Variants in LRRIQ1 observed in about 807,000 individuals in gnomAD.
LRRIQ1 encodes leucine rich repeats and IQ motif containing 1.
A neutral mutation model predicts 211.9 loss-of-function variants in LRRIQ1; 210 were observed. The ratio of observed to expected loss-of-function variants is 0.99; its 90% CI spans 0.89 to 1.11. The LOEUF (loss-of-function observed/expected upper bound fraction) is 1.11, where lower values mean the gene tolerates loss of function less well. Among genes scored for constraint, LRRIQ1 ranks in the 50% most tolerant of loss-of-function variants. The pLI is 0.00. For synonymous variants in LRRIQ1, 699 were observed against 650.1 expected (o/e 1.08, Z -1.14); for missense variants, 2,136 against 1,939.5 (o/e 1.10, Z -1.90).
intron 14 of LRRIQ1, among the ~76,000 whole-genome samples, chr12:85,106,042 C>T (rs559067323): frequency 9.9e-5 from 15 of 152,042 alleles, no homozygotes; most frequent in East Asian, 7.8e-4. Flanking sequence ...GTGGTCTGCC[C>T]GCCTCGGCCT....
Position 85,098,989 on chromosome 12 carries a change from A to C in LRRIQ1, c.3204A>C (p.Gln1068His). The part of the protein sequence containing the change: ...LPLLQNITIS[Q>H]NSLTKIVPLF... ...TACTACAAAATATTACTATCTCTCA[A>C]AACAGGTAAAAGCATACTTAAGAAA... Residue 1068 changes from glutamine to histidine, a missense_variant, in exon 13 of 27, where the codon CAA (glutamine) becomes CAC (histidine). Coordinates refer to ENST00000393217, the MANE Select transcript of LRRIQ1 (RefSeq NM_001079910.2). 6.5e-7 allele frequency: 1 copy of C among 1,549,516 alleles called. No individual in the cohort carries two copies. The highest frequency in any genetic ancestry group is 8.8e-7 in the Non-Finnish European group (1 of 1,141,984).
At chr12:85,200,581 T>C (rs527770617) in intron 24 of LRRIQ1, among the ~76,000 whole-genome samples, 11 of 152,286 alleles carry the variant, frequency 7.2e-5, no homozygotes, top group Non-Finnish European at 1.2e-4. Context: ...TTCAGTATGA[T>C]ATTGGCTGTG....
intron 24 of LRRIQ1, among the ~76,000 whole-genome samples, chr12:85,223,201 G>T (rs1405430454): frequency 6.6e-6 from 1 of 152,152 alleles, no homozygotes; most frequent in African/African-American, 2.4e-5. Flanking sequence ...GTTAGTTCAT[G>T]AGATAAGAAA....
intron 11 of LRRIQ1, among the ~76,000 whole-genome samples, chr12:85,082,664 G>A (rs1884424658): frequency 1.3e-5 from 2 of 151,878 alleles, no homozygotes; most frequent in Non-Finnish European, 2.9e-5. Context: ...GCTCTTAATC[G>A]AGCTCATTGA....
downstream of LRRIQ1, among the ~76,000 whole-genome samples, chr12:85,264,973 C>T (rs1254277329): frequency 6.6e-6 from 1 of 151,962 alleles, no homozygotes; most frequent in African/African-American, 2.4e-5. Flanking sequence ...TCACAAAAAG[C>T]TTGGTAGAAG....
Position 85,061,998 on chromosome 12 carries a change from A to G in LRRIQ1, c.2392-3264A>G, listed in dbSNP as rs150257818. Among the ~76,000 whole-genome samples, 320 of 151,868 alleles carry G rather than the reference A, an allele frequency of 2.1e-3. 2 individuals carry two copies. Among genetic ancestry groups the G allele is most frequent in the Non-Finnish European group, 3.7e-3 (253 of 67,810 alleles). On this transcript the variant is annotated intron_variant, in intron 8 of 26. Transcript: ENST00000393217. ...ATCACCATGAACACATGGTCCTTCA[A>G]TTTACTTACATAAATATGTAAATTT...
chr12:85,159,425 C>A (rs945278253), intron 23 of LRRIQ1: 19 of 151,890 alleles, frequency 1.3e-4, no homozygotes, highest in Admixed American at 1.2e-3. Context: ...AGAACCTACA[C>A]AAATGTGTGC....
At chr12:85,099,189 T>C (rs938030622) in intron 13 of LRRIQ1, among the ~76,000 whole-genome samples, 195 bp downstream of exon 13, 1 of 151,904 alleles carries the variant, frequency 6.6e-6, no homozygotes, top group African/African-American at 2.4e-5. Flanking sequence ...TACCCTAAAA[T>C]TTTAGTAGAA....
chr12:85,124,339 C>T lies in LRRIQ1; in HGVS notation c.3827C>T (p.Pro1276Leu), dbSNP rs1888209190. Reference sequence around the variant, plus strand: ...ATGGACTCTGTCTCCAGCCACTCCCCATTAAGCAAATCCGCCACATGTGAA... The same window carrying T: ...ATGGACTCTGTCTCCAGCCACTCCCTATTAAGCAAATCCGCCACATGTGAA... Reference protein sequence around the residue: ...KWMDSVSSHSPLSKSATCENM... With the variant: ...KWMDSVSSHSLLSKSATCENM... The change falls in exon 17 of 27, where the codon CCA becomes CTA. Residue 1276 changes from proline to leucine, a missense_variant. Transcript: ENST00000393217. 1.9e-6 allele frequency: 3 copies of T among 1,613,960 alleles called. No homozygotes were observed. The highest frequency in any genetic ancestry group is 1.3e-5 in the African/African-American group (1 of 74,910).
chr12:85,262,269 T>G (rs1039674571), intron 1 of LRRIQ1, among the ~76,000 whole-genome samples: 15 of 152,114 alleles, frequency 9.9e-5, no homozygotes, highest in Non-Finnish European at 5.9e-5. Flanking sequence ...TCACTGATCT[T>G]ACTACCACTT....
chr12:85,115,594 C>T (rs2039967262), intron 15 of LRRIQ1, among the ~76,000 whole-genome samples: 1 of 152,082 alleles, frequency 6.6e-6, no homozygotes. Flanking sequence ...TCCACATTCC[C>T]TAGAATTGTT....
intron 2 of LRRIQ1, among the ~76,000 whole-genome samples, chr12:85,038,817 T>G (rs181014334): frequency 2.3e-4 from 35 of 151,590 alleles, no homozygotes; most frequent in South Asian, 4.2e-4. Context: ...AATCTAATTT[T>G]TCTCAATTGA....
At chr12:85,225,521 T>G (rs1360470154) in intron 24 of LRRIQ1, among the ~76,000 whole-genome samples, 1 of 152,100 alleles carries the variant, frequency 6.6e-6, no homozygotes, top group African/African-American at 2.4e-5. Flanking sequence ...TAATAAAAGG[T>G]CAAAAAATGT....
chr12:85,132,128 C>T (rs1462687957), intron 18 of LRRIQ1, among the ~76,000 whole-genome samples: 1 of 152,052 alleles, frequency 6.6e-6, no homozygotes, highest in African/African-American at 2.4e-5. Flanking sequence ...TTTTGAGCCA[C>T]AGTGAATCAA....
chr12:85,198,843 C>T (rs1893148945), intron 24 of LRRIQ1, among the ~76,000 whole-genome samples: 1 of 152,110 alleles, frequency 6.6e-6, no homozygotes, highest in Admixed American at 6.6e-5. Context: ...GCTGGGATTA[C>T]AGGTGTGAGA....
intron 23 of LRRIQ1, 106 bp downstream of exon 23, chr12:85,154,200 C>A (rs2136681301): frequency 1.9e-6 from 1 of 530,392 alleles, no homozygotes; most frequent in East Asian, 3.7e-5. Flanking sequence ...GTAATCAATT[C>A]ACAGATGACT....
intron 23 of LRRIQ1, among the ~76,000 whole-genome samples, chr12:85,160,283 A>G (rs917261076): frequency 2.0e-5 from 3 of 152,036 alleles, no homozygotes; most frequent in Non-Finnish European, 4.4e-5. Context: ...TAGGTGTTAA[A>G]TTAATGAAAT....
intron 11 of LRRIQ1, among the ~76,000 whole-genome samples, chr12:85,084,598 A>G (rs1366992173): frequency 6.6e-6 from 1 of 152,156 alleles, no homozygotes; most frequent in Non-Finnish European, 1.5e-5. Flanking sequence ...TGAATTTTAC[A>G]CTACTGAAAC....
intron 24 of LRRIQ1, among the ~76,000 whole-genome samples, chr12:85,197,926 AATATAATTATATATATTTAT>A (rs1254468173): frequency 0.022 from 2,677 of 119,000 alleles, 45 homozygotes; most frequent in Non-Finnish European, 0.037. Flanking sequence ...AAATATATAT[AATATAATTATATATATTTAT>A]ATATAATTAT....
Sources: allele counts gnomAD v4.1 joint callset (sites outside exome capture counted in the v4.1 genomes callset), GRCh38; gene constraint gnomAD v4.1.1; transcripts MANE v1.5; gene names NCBI Gene and HGNC (gene_info 2026-07-23, HGNC 2026-07-21).